The following HSDL1 variants were observed in gnomAD, a reference collection of about 807,000 sequenced individuals.
HSDL1 encodes hydroxysteroid dehydrogenase like 1.
In HSDL1, 29 loss-of-function variants were observed where a neutral mutation model predicts 31.5. The observed-to-expected ratio is 0.92, with a 90% CI of 0.69 to 1.26. HSDL1 has a LOEUF of 1.26. HSDL1 is among the 50% of genes most tolerant of loss of function. The probability of loss-of-function intolerance (pLI) is 0.00; values close to 1 mark genes in which losing one functional copy is unlikely to be tolerated. For synonymous variants in HSDL1, 222 were observed against 155.2 expected (o/e 1.43, Z -3.20); for missense variants, 503 against 416.6 (o/e 1.21, Z -1.81).
intron 5 of HSDL1, among the ~76,000 whole-genome samples, chr16:84,125,783 A>G (rs1209621920): frequency 2.0e-5 from 3 of 152,222 alleles, no homozygotes; most frequent in Admixed American, 1.3e-4. Flanking sequence ...ACTTAACGTG[A>G]TATGAACAAA....
rs112303065 is a variant in HSDL1 at position 84,138,298 on chromosome 16, A to G, written c.-68-2693T>C. Among the ~76,000 whole-genome samples the G allele has an allele frequency of 3.8e-3, 580 of 152,146 alleles. 5 individuals are homozygous for G. The highest frequency in any genetic ancestry group is 0.013 in the African/African-American group (557 of 41,548). On this transcript the variant is annotated intron_variant, in intron 1 of 5. Coordinates refer to ENST00000219439, the MANE Select transcript of HSDL1 (RefSeq NM_031463.5). ...CTTTATTTTCTTAAACAGAGAGTAG[A>G]ATGGTGGTTGCTAGAGGTGGGGTCA...
rs755088375 is a variant in HSDL1 at position 84,130,264 on chromosome 16, G to C, written c.388C>G (p.Arg130Gly). 7 of 1,613,902 alleles carry C rather than the reference G, an allele frequency of 4.3e-6. No homozygotes were observed. The highest frequency in any genetic ancestry group is 1.3e-5 in the African/African-American group (1 of 74,846). ...DIIVADFSSG[R>G]EIYLPIREAL... Reference sequence around the variant, plus strand: ...TCTCGAATTGGAAGGTAGATCTCACGACCGCTGCTGAAGTCCGCAACTATA... The same window carrying C: ...TCTCGAATTGGAAGGTAGATCTCACCACCGCTGCTGAAGTCCGCAACTATA... The change falls in exon 4 of 6, where the codon CGT becomes GGT. Residue 130 changes from arginine (R) to glycine (G), a missense_variant. Physicochemically the swap from Arg to Gly is moderately radical, Grantham distance 125 (BLOSUM62 -2). Coordinates refer to ENST00000219439, the MANE Select transcript of HSDL1 (RefSeq NM_031463.5).
chr16:84,124,548 G>C lies in HSDL1; in HGVS notation c.*82C>G. 1.2e-6 allele frequency: 1 copy of C among 851,990 alleles called. No individual in the cohort carries two copies. The highest frequency in any genetic ancestry group is 2.0e-6 in the Non-Finnish European group (1 of 495,750). The allele number at this position is 851,990 out of a possible 1,614,324, so 52.8% of individuals were successfully genotyped here. Reference sequence around the variant, plus strand: ...GAATAATCAGCAATGAAACACAGGAGATAAATTAAATGTGTTTTTCCAAAT... The same window carrying C: ...GAATAATCAGCAATGAAACACAGGACATAAATTAAATGTGTTTTTCCAAAT... On this transcript the variant is annotated 3_prime_UTR_variant, in exon 6 of 6. Coordinates refer to ENST00000219439, the MANE Select transcript of HSDL1 (RefSeq NM_031463.5).
chr16:84,125,140 T>C (rs542489835), intron 5 of HSDL1: 2 of 143,562 alleles, frequency 1.4e-5, no homozygotes, highest in African/African-American at 6.2e-5. Flanking sequence ...TCACAACAAA[T>C]ACCCACCAAG....
intron 1 of HSDL1, among the ~76,000 whole-genome samples, chr16:84,139,749 T>C (rs1193766294): frequency 6.6e-6 from 1 of 152,154 alleles, no homozygotes; most frequent in African/African-American, 2.4e-5. Context: ...AAAACCACTA[T>C]GTGTATTCAG....
chr16:84,128,307 A>C (rs1462044410), intron 5 of HSDL1, among the ~76,000 whole-genome samples: 1 of 151,858 alleles, frequency 6.6e-6, no homozygotes, highest in Non-Finnish European at 1.5e-5. Context: ...AAAAAATTCT[A>C]AACTAGGGCA....
intron 1 of HSDL1, among the ~76,000 whole-genome samples, chr16:84,136,815 C>G (rs2086717407): frequency 1.3e-5 from 2 of 152,210 alleles, no homozygotes; most frequent in South Asian, 4.1e-4. Context: ...ATCAGGGGGG[C>G]TGATGGCATT....
At chr16:84,137,928 G>A (rs1479545759) in intron 1 of HSDL1, among the ~76,000 whole-genome samples, 1 of 152,190 alleles carries the variant, frequency 6.6e-6, no homozygotes, top group African/African-American at 2.4e-5. Context: ...GGCTTGATTA[G>A]CGAAAGCTAT....
intron 1 of HSDL1, among the ~76,000 whole-genome samples, chr16:84,143,442 CAG>C (rs1188419416): frequency 1.3e-5 from 2 of 152,026 alleles, no homozygotes; most frequent in Non-Finnish European, 2.9e-5. Flanking sequence ...TGCTGAGGGA[CAG>C]GGGGAGAAAA....
At chr16:84,126,572 A>C (rs1388762860) in intron 5 of HSDL1, among the ~76,000 whole-genome samples, 1 of 152,200 alleles carries the variant, frequency 6.6e-6, no homozygotes, top group Non-Finnish European at 1.5e-5. Flanking sequence ...TTCAGAACCG[A>C]ATGAAAGTTC....
At position 84,129,529 on chromosome 16, in the gene HSDL1, A is replaced by T; in HGVS notation, c.894+19T>A. The T allele has an allele frequency of 6.5e-7, 1 of 1,547,102 alleles. No homozygotes were observed. Among genetic ancestry groups the T allele is most frequent in the Non-Finnish European group, 8.9e-7 (1 of 1,118,766 alleles). Reference sequence around the variant, plus strand: ...CATGATGCATTAATCTAATTATGAGACCTGAAGCACACTCCTACCTGAATA... The same window carrying T: ...CATGATGCATTAATCTAATTATGAGTCCTGAAGCACACTCCTACCTGAATA... On this transcript the variant is annotated intron_variant, in intron 5 of 5. Transcript: ENST00000219439.
intron 1 of HSDL1, among the ~76,000 whole-genome samples, chr16:84,137,427 A>C (rs1390741336): frequency 6.6e-6 from 1 of 152,204 alleles, no homozygotes. Context: ...AGATGCCTTC[A>C]CGCCAGACTG....
At chr16:84,137,202 G>T (rs1453201775) in intron 1 of HSDL1, among the ~76,000 whole-genome samples, 2 of 152,228 alleles carry the variant, frequency 1.3e-5, no homozygotes, top group African/African-American at 2.4e-5. Context: ...GGGTGAAATG[G>T]GTCTTGAAGT....
At chr16:84,127,133 C>G (rs1462965829) in intron 5 of HSDL1, among the ~76,000 whole-genome samples, 1 of 150,856 alleles carries the variant, frequency 6.6e-6, no homozygotes, top group East Asian at 1.9e-4. Flanking sequence ...ACTTCTAAGA[C>G]TACTTTTTAG....
chr16:84,127,206 CTTCTTTTTTTTTTT>C (rs2086617482), intron 5 of HSDL1, among the ~76,000 whole-genome samples: 1 of 114,880 alleles, frequency 8.7e-6, no homozygotes, highest in African/African-American at 3.4e-5. Flanking sequence ...AAAACTGTTT[CTTCTTTTTTTTTTT>C]TTTTTTTTTT....
In HSDL1 at chr16:84,122,562, G is replaced by C. The variant is rs1597368788; in HGVS notation, c.*2068C>G. Reference sequence around the variant, plus strand: ...TTGTAGAGACAGGATGTGTTCCCCAGGCTGGTCTCGACCTCCTGGGATCAA... The same window carrying C: ...TTGTAGAGACAGGATGTGTTCCCCACGCTGGTCTCGACCTCCTGGGATCAA... On this transcript the variant is annotated 3_prime_UTR_variant, in exon 6 of 6. Transcript: ENST00000219439. The C allele has an allele frequency of 6.6e-6, 1 of 152,086 alleles. No individual in the cohort carries two copies. The highest frequency in any genetic ancestry group is 1.5e-5 in the Non-Finnish European group (1 of 68,046). 9.4% of individuals were successfully genotyped at this position (152,086 alleles called of 1,614,324 possible). A position where few individuals can be genotyped will look rare whatever the true frequency, so the allele number is the denominator to read the frequency against.
intron 1 of HSDL1, among the ~76,000 whole-genome samples, chr16:84,141,090 C>CAAAAAAAAAAAAAA (rs553224060): frequency 1.5e-5 from 2 of 136,152 alleles, no homozygotes; most frequent in African/African-American, 7.3e-5. Flanking sequence ...GACTCCGTCT[C>CAAAAAAAAAAAAAA]AAACAAAAAA....
intron 1 of HSDL1, among the ~76,000 whole-genome samples, 153 bp downstream of exon 1, chr16:84,144,927 G>C (rs2086830905): frequency 6.6e-6 from 1 of 151,970 alleles, no homozygotes; most frequent in African/African-American, 2.4e-5. Flanking sequence ...GGGGCTTCGG[G>C]GCCGGATGCA....
chr16:84,135,923 G>A (rs2086707874), intron 1 of HSDL1, among the ~76,000 whole-genome samples: 1 of 152,180 alleles, frequency 6.6e-6, no homozygotes, highest in African/African-American at 2.4e-5. Context: ...TCCAATCCCA[G>A]GAGCCCTTGG....
Sources: gnomAD v4.1 joint callset for allele counts (sites outside exome capture counted in the v4.1 genomes callset) on GRCh38, gnomAD v4.1.1 for gene constraint, MANE v1.5 for transcripts, NCBI Gene and HGNC (gene_info 2026-07-23, HGNC 2026-07-21) for gene names.